The following HDAC4 variants were observed in gnomAD, a reference collection of about 807,000 sequenced individuals.
HDAC4 encodes histone deacetylase 4, also known as histone deacetylase A.
HDAC4 carries 16 observed loss-of-function variants against 135.1 expected under a neutral mutation model. That is an observed-to-expected ratio of 0.12 (90% CI 0.08 to 0.18). The LOEUF is 0.18. Among genes scored for constraint, HDAC4 ranks in the 10% least tolerant of loss-of-function variants. HDAC4 has a pLI of 1.00. For missense variants in HDAC4, 1,143 were observed against 1,511.8 expected (o/e 0.76, Z 4.05); for synonymous variants, 685 against 653.4 (o/e 1.05, Z -0.74).
intron 2 of HDAC4, among the ~76,000 whole-genome samples, chr2:239,249,316 G>A (rs2048646476): frequency 6.6e-6 from 1 of 152,212 alleles, no homozygotes; most frequent in African/African-American, 2.4e-5. Context: ...GCCCAGGGCG[G>A]GGAGGGGCTG....
chr2:239,051,471 A>T lies in HDAC4; in HGVS notation c.*1626T>A, dbSNP rs1219757792. ...CAGAAAGGAAAAAGATTTAGACATT[A>T]TTACCATTCAGAAAATTGCTAAATG... On this transcript the variant is annotated 3_prime_UTR_variant, in exon 27 of 27. Transcript: ENST00000543185. 2 of 152,524 alleles carry T rather than the reference A, an allele frequency of 1.3e-5. No homozygotes were observed. Among genetic ancestry groups the T allele is most frequent in the Non-Finnish European group, 2.9e-5 (2 of 68,046 alleles). 9.4% of individuals were successfully genotyped at this position (152,524 alleles called of 1,614,324 possible).
At chr2:239,147,241 C>T (rs1214997690) in intron 7 of HDAC4, among the ~76,000 whole-genome samples, 12 of 152,184 alleles carry the variant, frequency 7.9e-5, no homozygotes, top group Admixed American at 7.2e-4. Flanking sequence ...AGAAGGCAGC[C>T]GGGGGAGCCG....
intron 3 of HDAC4, among the ~76,000 whole-genome samples, chr2:239,199,554 C>T (rs2045624180): frequency 1.3e-5 from 2 of 152,154 alleles, no homozygotes; most frequent in Admixed American, 1.3e-4. Context: ...TCGTGGCAGC[C>T]TCCAAACTCG....
Position 239,054,785 on chromosome 2 carries a change from C to T in HDAC4, c.3052G>A (p.Ala1018Thr), listed in dbSNP as rs773660237. The T allele has an allele frequency of 3.1e-6, 5 of 1,613,468 alleles. No homozygotes were observed. The highest frequency in any genetic ancestry group is 3.3e-5 in the Admixed American group (2 of 60,018). ...ATGACTTTCTCCATGGAACGGACAGCGTTTGCATTGGGTCTTTGCTGTAAA... is the reference window on the plus strand; with the variant it reads ...ATGACTTTCTCCATGGAACGGACAGTGTTTGCATTGGGTCTTTGCTGTAAA... ...KVLQQRPNANAVRSMEKVMEI... is the reference protein window; with the variant it reads ...KVLQQRPNANTVRSMEKVMEI... Residue 1018 changes from alanine (A) to threonine (T), a missense_variant, in exon 25 of 27, where the codon GCT becomes ACT. Transcript: ENST00000543185.
At chr2:239,379,816 ACACT>A (rs1349804374) in intron 1 of HDAC4, among the ~76,000 whole-genome samples, 1 of 152,194 alleles carries the variant, frequency 6.6e-6, no homozygotes, top group Non-Finnish European at 1.5e-5. Flanking sequence ...CCACGGGGTC[ACACT>A]CACCACAGGG....
chr2:239,098,346 CA>C (rs998421197), intron 16 of HDAC4, among the ~76,000 whole-genome samples: 1 of 152,250 alleles, frequency 6.6e-6, no homozygotes, highest in African/African-American at 2.4e-5. Flanking sequence ...GGCTGGCAGA[CA>C]GGCGTTCTGT....
intron 4 of HDAC4, among the ~76,000 whole-genome samples, chr2:239,185,973 GA>G (rs2044526821): frequency 6.6e-6 from 1 of 152,176 alleles, no homozygotes; most frequent in African/African-American, 2.4e-5. Context: ...GGCGAAGATT[GA>G]AGTGAACTGA....
At position 239,163,888 on chromosome 2, in the gene HDAC4, G is replaced by T; in HGVS notation, c.526C>A (p.Gln176Lys). The change falls in exon 6 of 27, where the codon CAA (glutamine) becomes AAA (lysine). Residue 176 changes from glutamine to lysine, a missense_variant. By Grantham distance (53) the Gln-to-Lys change is moderately conservative. Coordinates refer to ENST00000543185, the MANE Select transcript of HDAC4 (RefSeq NM_001378414.1). ...TTCTTTTTATTGAGGACAAATTCTTGTAACTTCATCTTCACTTCTGTGCTG... is the reference window on the plus strand; with the variant it reads ...TTCTTTTTATTGAGGACAAATTCTTTTAACTTCATCTTCACTTCTGTGCTG... ...VASTEVKMKL[Q>K]EFVLNKKKAL... 6.2e-7 allele frequency: 1 copy of T among 1,614,140 alleles called. No individual in the cohort carries two copies. The highest frequency in any genetic ancestry group is 8.5e-7 in the Non-Finnish European group (1 of 1,180,024).
At chr2:239,304,332 T>C (rs571940969) in intron 2 of HDAC4, among the ~76,000 whole-genome samples, 33 of 152,252 alleles carry the variant, frequency 2.2e-4, no homozygotes, top group African/African-American at 7.9e-4. Flanking sequence ...GCTGGGAAGA[T>C]TAAATGAGAT....
chr2:239,174,955 A>G (rs2043663685), intron 5 of HDAC4, among the ~76,000 whole-genome samples: 1 of 152,222 alleles, frequency 6.6e-6, no homozygotes, highest in Non-Finnish European at 1.5e-5. Flanking sequence ...CATGTTAAAC[A>G]TCAGGAGAGG....
intron 2 of HDAC4, among the ~76,000 whole-genome samples, chr2:239,243,893 T>C (rs746801986): frequency 1.3e-5 from 2 of 152,158 alleles, no homozygotes; most frequent in Non-Finnish European, 2.9e-5. Flanking sequence ...ATTTCCTCCG[T>C]TTTTCCCTGG....
At chr2:239,179,453 G>A (rs1015345301) in intron 4 of HDAC4, among the ~76,000 whole-genome samples, 1 of 152,188 alleles carries the variant, frequency 6.6e-6, no homozygotes, top group East Asian at 1.9e-4. Flanking sequence ...TGTGAACTGT[G>A]CGTGTGGGGG....
rs1414033580 is a variant in HDAC4 at position 239,068,925 on chromosome 2, T to C, written c.2751-318A>G. On this transcript the variant is annotated intron_variant, in intron 22 of 26. Coordinates refer to ENST00000543185, the MANE Select transcript of HDAC4 (RefSeq NM_001378414.1). This position sits in a 1 kb window ranked among gnomAD's most constrained non-coding sequence, Gnocchi z 4.4. ...CTTGCTTGGTGAGAGGGAGTCACGGTGCAAGCCAGCAAGCCCCACTGCACT... is the reference window on the plus strand; with the variant it reads ...CTTGCTTGGTGAGAGGGAGTCACGGCGCAAGCCAGCAAGCCCCACTGCACT... 1.9e-5 allele frequency: 4 copies of C among 211,564 alleles called. No homozygotes were observed. The East Asian group carries it at 3.0e-4, about 16-fold the overall frequency. The allele number at this position is 211,564 out of a possible 1,614,324, so 13.1% of individuals were successfully genotyped here.
At chr2:239,054,674 G>C in intron 25 of HDAC4, 75 bp downstream of exon 25, 1 of 934,882 alleles carries the variant, frequency 1.1e-6, no homozygotes, top group Non-Finnish European at 1.8e-6. Context: ...GGGGTATAGG[G>C]GGACAGGGAT....
intron 2 of HDAC4, among the ~76,000 whole-genome samples, chr2:239,322,756 C>A (rs183101284): frequency 2.0e-5 from 3 of 151,900 alleles, no homozygotes; most frequent in African/African-American, 7.3e-5. Flanking sequence ...TCATCCTGCC[C>A]GGGTGTGGGT....
intron 14 of HDAC4, among the ~76,000 whole-genome samples, chr2:239,108,384 C>T (rs572441277): frequency 1.3e-5 from 2 of 152,310 alleles, no homozygotes; most frequent in East Asian, 3.9e-4. Context: ...ATGCAGAGGC[C>T]AGGCGGGTGG....
At chr2:239,180,190 G>T (rs1023981746) in intron 4 of HDAC4, among the ~76,000 whole-genome samples, 15 of 152,182 alleles carry the variant, frequency 9.9e-5, no homozygotes, top group African/African-American at 3.6e-4. Flanking sequence ...ACCCTCTCCT[G>T]CGAGAGCCTG....
intron 13 of HDAC4, among the ~76,000 whole-genome samples, chr2:239,114,181 T>A (rs1430155083): frequency 6.6e-6 from 1 of 152,076 alleles, no homozygotes; most frequent in Non-Finnish European, 1.5e-5. Flanking sequence ...AAGGTGCTGC[T>A]GGGGGTGGAG....
chr2:239,245,952 A>C lies in HDAC4; in HGVS notation c.23-9288T>G, dbSNP rs2124825462. On this transcript the variant is annotated intron_variant, in intron 2 of 26. Transcript: ENST00000543185. The surrounding 1 kb of genome is among the most constrained non-coding windows in gnomAD (Gnocchi z 4.4). ...AGCGTCTGGGAACGTGAGAGTGAGC[A>C]ACGCAGAGGCCTGGCCCCGGCCCAG... 6.6e-6 allele frequency among the ~76,000 whole-genome samples: 1 copy of C among 152,264 alleles called. No homozygotes were observed. The highest frequency in any genetic ancestry group is 1.9e-4 in the East Asian group (1 of 5,170).
Sources: allele counts gnomAD v4.1 joint callset (sites outside exome capture counted in the v4.1 genomes callset), GRCh38; gene constraint gnomAD v4.1.1; non-coding constraint Gnocchi (gnomAD v3.1); transcripts MANE v1.5; gene names NCBI Gene and HGNC (gene_info 2026-07-23, HGNC 2026-07-21).